CDH8: variants seen among roughly 807,000 people sequenced by gnomAD.
CDH8 encodes the protein cadherin 8.
CDH8 carries 17 observed loss-of-function variants against 68.1 expected under a neutral mutation model. The ratio of observed to expected loss-of-function variants is 0.25; its 90% CI spans 0.17 to 0.37. The LOEUF (loss-of-function observed/expected upper bound fraction) is 0.37, where lower values mean the gene tolerates loss of function less well. Among genes scored for constraint, CDH8 ranks in the 10% least tolerant of loss-of-function variants. The pLI is 1.00. For synonymous variants in CDH8, 372 were observed against 365.1 expected (o/e 1.02, Z -0.21); for missense variants, 763 against 999.3 (o/e 0.76, Z 3.19).
rs369833002 is a variant in CDH8, at chr16:61,972,571, G to GGGGTGTGTGTGTGT, written c.252+48580_252+48581insACACACACACACCC. Among the ~76,000 whole-genome samples the GGGGTGTGTGTGTGT allele has an allele frequency of 3.0e-5, 4 of 131,466 alleles. 1 individual carries two copies. Among genetic ancestry groups the GGGGTGTGTGTGTGT allele is most frequent in the African/African-American group, 8.3e-5 (3 of 36,098 alleles). The allele number at this position is 131,466 out of a possible 152,430, so 86.2% of individuals were successfully genotyped here. On this transcript the variant is annotated intron_variant, in intron 2 of 11. Transcript: ENST00000577390. Reference sequence around the variant, plus strand: ...TTTTTTTTTCTGGGAACACATTGTGGGTGTGTGTGTGTGTGTGTGTGTGTG... The same window carrying GGGGTGTGTGTGTGT: ...TTTTTTTTTCTGGGAACACATTGTGGGGGTGTGTGTGTGTGTGTGTGTGTGTGTGTGTGTGTGTG...
chr16:61,797,856 T>C (rs1961533691), intron 7 of CDH8, among the ~76,000 whole-genome samples: 1 of 152,192 alleles, frequency 6.6e-6, no homozygotes, highest in South Asian at 2.1e-4. Flanking sequence ...TATCTTTACA[T>C]TATTTAGGGT....
At chr16:61,870,041 T>A (rs1273824794) in intron 3 of CDH8, among the ~76,000 whole-genome samples, 1 of 152,254 alleles carries the variant, frequency 6.6e-6, no homozygotes, top group African/African-American at 2.4e-5. Flanking sequence ...AATTTGTAGT[T>A]GACTCCAGTA....
intron 2 of CDH8, among the ~76,000 whole-genome samples, chr16:61,959,671 C>A (rs1045995402): frequency 1.3e-5 from 2 of 150,880 alleles, no homozygotes; most frequent in Non-Finnish European, 2.9e-5. Flanking sequence ...ATGTTTATTA[C>A]ACCTCAACAA....
rs1964140626 is a variant in CDH8 at position 61,910,425 on chromosome 16, T to A, written c.253-8952A>T. On this transcript the variant is annotated intron_variant, in intron 2 of 11. Coordinates refer to ENST00000577390, the MANE Select transcript of CDH8 (RefSeq NM_001796.5). ...ATAATAGTCTGATTAAAATATTAAA[T>A]CTTATGGGCTTGGAAATCAATATGT... Among the ~76,000 whole-genome samples the A allele has an allele frequency of 2.6e-5, 4 of 151,790 alleles. No homozygotes were observed. In the South Asian group the frequency reaches 8.3e-4, roughly 32 times the overall value.
intron 3 of CDH8, among the ~76,000 whole-genome samples, chr16:61,895,052 G>T (rs561536006): frequency 6.6e-6 from 1 of 151,980 alleles, no homozygotes; most frequent in African/African-American, 2.4e-5. Context: ...GAATTTCTAC[G>T]TGATGTATAG....
chr16:62,025,085 A>G (rs1442554683), intron 1 of CDH8, among the ~76,000 whole-genome samples: 1 of 152,192 alleles, frequency 6.6e-6, no homozygotes, highest in Non-Finnish European at 1.5e-5. Flanking sequence ...GCAGCATTAA[A>G]GAAGGTTTCC....
chr16:61,672,956 G>A (rs542937099), intron 10 of CDH8, among the ~76,000 whole-genome samples: 1 of 152,146 alleles, frequency 6.6e-6, no homozygotes, highest in East Asian at 1.9e-4. Context: ...TAATAGACAA[G>A]CTCATGTGAA....
chr16:61,905,743 T>C (rs1205002498), intron 2 of CDH8, among the ~76,000 whole-genome samples: 4 of 151,836 alleles, frequency 2.6e-5, no homozygotes, highest in African/African-American at 9.7e-5. Context: ...ACTCAGAAAA[T>C]GGGGTATAGA....
chr16:61,956,347 C>A (rs1273750714), intron 2 of CDH8, among the ~76,000 whole-genome samples: 3 of 152,120 alleles, frequency 2.0e-5, no homozygotes, highest in Non-Finnish European at 4.4e-5. Flanking sequence ...TGAAAAAGCA[C>A]AAGCCTTACC....
chr16:61,772,395 A>C (rs1347533234), intron 8 of CDH8, among the ~76,000 whole-genome samples: 1 of 152,064 alleles, frequency 6.6e-6, no homozygotes, highest in Non-Finnish European at 1.5e-5. Context: ...ATTAGTCTGA[A>C]AAGTGAGACA....
At chr16:61,916,408 G>A (rs1303906768) in intron 2 of CDH8, among the ~76,000 whole-genome samples, 3 of 152,134 alleles carry the variant, frequency 2.0e-5, no homozygotes, top group Non-Finnish European at 4.4e-5. Context: ...CCAGCTACTT[G>A]GGAGGCTGAG....
chr16:61,855,060 C>T (rs776086536), intron 4 of CDH8, among the ~76,000 whole-genome samples: 9 of 152,098 alleles, frequency 5.9e-5, no homozygotes, highest in African/African-American at 2.2e-4. Flanking sequence ...AAAACCTCAA[C>T]TTCATTCACC....
rs115411607 is a variant in CDH8 at position 61,653,011 on chromosome 16, T to C, written c.*597A>G. The C allele has an allele frequency of 1.4e-3, 2,022 of 1,450,808 alleles. 23 individuals are homozygous for C. The African/African-American group carries it at 0.025, about 18-fold the overall frequency. The allele number at this position is 1,450,808 out of a possible 1,614,324, so 89.9% of individuals were successfully genotyped here. On this transcript the variant is annotated 3_prime_UTR_variant, in exon 12 of 12. Coordinates refer to ENST00000577390, the MANE Select transcript of CDH8 (RefSeq NM_001796.5). ...AATATTTTAAGGCTCGACACAATAT[T>C]TAAAGATGCTATTCAGTCTCTAGTG... is the stretch of plus-strand genomic sequence containing the variant.
intron 2 of CDH8, among the ~76,000 whole-genome samples, chr16:61,989,426 T>C (rs1032157723): frequency 6.6e-6 from 1 of 152,110 alleles, no homozygotes; most frequent in Non-Finnish European, 1.5e-5. Context: ...TCTCAAGACA[T>C]GGGGAGACAT....
Position 61,649,359 on chromosome 16 carries a change from A to G in CDH8, c.*4249T>C, listed in dbSNP as rs1269987925. 6.6e-6 allele frequency: 1 copy of G among 151,828 alleles called. No individual in the cohort carries two copies. The highest frequency in any genetic ancestry group is 1.5e-5 in the Non-Finnish European group (1 of 67,922). The allele number at this position is 151,828 out of a possible 1,614,324, so 9.4% of individuals were successfully genotyped here. On this transcript the variant is annotated 3_prime_UTR_variant, in exon 12 of 12. Transcript: ENST00000577390. ...TGTTGGCAGTGCGTGAGATTATGAG[A>G]TGAAAAATTAAAACTATAAATTATC... is the stretch of plus-strand genomic sequence containing the variant.
At chr16:61,678,665 C>T (rs79941070) in intron 10 of CDH8, among the ~76,000 whole-genome samples, 8,968 of 151,898 alleles carry the variant, frequency 0.059, 642 homozygotes, top group East Asian at 0.26. Flanking sequence ...TCATGCTACC[C>T]GACTTCAAAC....
intron 2 of CDH8, among the ~76,000 whole-genome samples, chr16:62,009,982 A>G (rs1901767750): frequency 6.6e-6 from 1 of 152,198 alleles, no homozygotes; most frequent in Admixed American, 6.5e-5. Context: ...TAACCCCCGT[A>G]TTAGGAGAAT....
chr16:61,791,467 A>T (rs955612386), intron 7 of CDH8, among the ~76,000 whole-genome samples: 1 of 152,066 alleles, frequency 6.6e-6, no homozygotes, highest in Non-Finnish European at 1.5e-5. Flanking sequence ...TCTGACTCTT[A>T]AAAAAGCTAA....
intron 7 of CDH8, among the ~76,000 whole-genome samples, chr16:61,816,626 T>C (rs1962080701): frequency 6.6e-6 from 1 of 152,150 alleles, no homozygotes; most frequent in Non-Finnish European, 1.5e-5. Context: ...AAACACATCA[T>C]TAGCCAACAC....
Sources: allele counts gnomAD v4.1 joint callset (sites outside exome capture counted in the v4.1 genomes callset), GRCh38; gene constraint gnomAD v4.1.1; transcripts MANE v1.5; gene names NCBI Gene and HGNC (gene_info 2026-07-23, HGNC 2026-07-21).